The following H2AZ2 variants were observed in gnomAD, a reference collection of about 807,000 sequenced individuals.
H2AZ2 encodes the protein H2A.Z variant histone 2, also known as histone H2A.V.
Under a neutral mutation model 15.5 loss-of-function variants are expected in H2AZ2, and 5 were observed. The observed-to-expected ratio is 0.32, with a 90% CI of 0.17 to 0.68. The LOEUF is 0.68. Among genes scored for constraint, H2AZ2 ranks in the 30% least tolerant of loss-of-function variants. H2AZ2 has a pLI of 0.72. For missense variants in H2AZ2, 42 were observed against 162.5 expected, an observed-to-expected ratio of 0.26 and a Z score of 4.03; for synonymous variants, 44 against 57.4, an observed-to-expected ratio of 0.77 and a Z score of 1.05.
intron 3 of H2AZ2, among the ~76,000 whole-genome samples, chr7:44,837,433 G>GAAAAAAAAAAAAAAAAAA (rs71011996): frequency 3.4e-5 from 3 of 87,270 alleles, no homozygotes; most frequent in African/African-American, 8.6e-5. Context: ...AAAAAAAAAA[G>GAAAAAAAAAAAAAAAAAA]AAAAAAAAAA....
At chr7:44,837,951 A>G (rs2117031980) in intron 3 of H2AZ2, among the ~76,000 whole-genome samples, 1 of 151,680 alleles carries the variant, frequency 6.6e-6, no homozygotes, top group East Asian at 1.9e-4. Context: ...TTTCTGCAGA[A>G]CCTTTAATAG....
chr7:44,838,297 T>C (rs370665841), intron 3 of H2AZ2, among the ~76,000 whole-genome samples: 2 of 151,956 alleles, frequency 1.3e-5, no homozygotes, highest in South Asian at 2.1e-4. Context: ...TTAATGCTTA[T>C]AGAAAAGTTT....
chr7:44,831,344 G>C (rs57161898), downstream of H2AZ2, among the ~76,000 whole-genome samples: 940 of 152,198 alleles, frequency 6.2e-3, 8 homozygotes, highest in African/African-American at 0.021. Context: ...TGACCTAGTT[G>C]TTCTATTTCT....
chr7:44,827,656 A>G (rs1358565597), downstream of H2AZ2: 1 of 152,214 alleles, frequency 6.6e-6, no homozygotes, highest in Non-Finnish European at 1.5e-5. Flanking sequence ...CAGAGATGAT[A>G]TTCACAAATT....
intron 1 of H2AZ2, among the ~76,000 whole-genome samples, chr7:44,846,392 C>T (rs1258205305): frequency 6.6e-6 from 1 of 151,878 alleles, no homozygotes; most frequent in Non-Finnish European, 1.5e-5. Context: ...CCGAGGGGGG[C>T]GGATCACAAG....
At chr7:44,840,858 C>T in intron 3 of H2AZ2, 41 bp downstream of exon 3, 3 of 1,351,744 alleles carry the variant, frequency 2.2e-6, no homozygotes, top group Non-Finnish European at 3.2e-6. Flanking sequence ...GACTAGTGCA[C>T]CTTCTGGATG....
At chr7:44,840,013 A>G (rs1418345571) in intron 3 of H2AZ2, among the ~76,000 whole-genome samples, 1 of 148,350 alleles carries the variant, frequency 6.7e-6, no homozygotes, top group African/African-American at 2.5e-5. Context: ...AAATAAATAA[A>G]TAAATAAATA....
chr7:44,828,498 T>C (rs1792955695), downstream of H2AZ2: 1 of 152,210 alleles, frequency 6.6e-6, no homozygotes, highest in Non-Finnish European at 1.5e-5. Flanking sequence ...GTAGGTACTA[T>C]CATCACCACT....
chr7:44,848,055 G>A lies in H2AZ2; in HGVS notation c.-84C>T, dbSNP rs969090533. 1.9e-5 allele frequency: 16 copies of A among 858,854 alleles called. No homozygotes were observed. Among genetic ancestry groups the A allele is most frequent in the Middle Eastern group, 3.6e-4 (1 of 2,776 alleles). 53.2% of individuals were successfully genotyped at this position (858,854 alleles called of 1,614,324 possible). A position where few individuals can be genotyped will look rare whatever the true frequency, so the allele number is the denominator to read the frequency against. On this transcript the variant is annotated 5_prime_UTR_variant, in exon 1 of 5. Coordinates refer to ENST00000308153, the MANE Select transcript of H2AZ2 (RefSeq NM_012412.5). ...CCGCCGCCGCCGCTCTCGCAGCACC[G>A]ACCGCCGCCGCCGGAGCCGGACAAT... is the stretch of plus-strand genomic sequence containing the variant.
In H2AZ2 at chr7:44,835,515, G is replaced by C; in HGVS notation, c.325+14C>G. On this transcript the variant is annotated intron_variant, in intron 4 of 4. Coordinates refer to ENST00000308153, the MANE Select transcript of H2AZ2 (RefSeq NM_012412.5). Reference sequence around the variant, plus strand: ...AAGACCAATAAGAATCAAGGCTTAAGTAGTAATACATACCACCCCCAGCTA... The same window carrying C: ...AAGACCAATAAGAATCAAGGCTTAACTAGTAATACATACCACCCCCAGCTA... The C allele has an allele frequency of 6.2e-7, 1 of 1,611,664 alleles. No homozygotes were observed. The highest frequency in any genetic ancestry group is 8.5e-7 in the Non-Finnish European group (1 of 1,178,482).
At chr7:44,831,528 A>G (rs1583708719), downstream of H2AZ2, among the ~76,000 whole-genome samples, 1 of 148,240 alleles carries the variant, frequency 6.7e-6, no homozygotes, top group Non-Finnish European at 1.5e-5. Flanking sequence ...ATTATATTGC[A>G]CTCCCCCCCC....
At chr7:44,843,107 C>A (rs2117041855) in intron 2 of H2AZ2, among the ~76,000 whole-genome samples, 170 bp downstream of exon 2, 1 of 122,544 alleles carries the variant, frequency 8.2e-6, no homozygotes, top group East Asian at 2.5e-4. Context: ...CCACTGCACT[C>A]CAGCCTGACG....
intron 1 of H2AZ2, among the ~76,000 whole-genome samples, chr7:44,844,095 G>C (rs1395339551): frequency 1.3e-5 from 2 of 149,166 alleles, no homozygotes; most frequent in African/African-American, 4.9e-5. Flanking sequence ...ATATAGTCTA[G>C]CAATTCCACT....
intron 3 of H2AZ2, among the ~76,000 whole-genome samples, chr7:44,838,894 T>A (rs1310784514): frequency 6.6e-6 from 1 of 152,178 alleles, no homozygotes; most frequent in Non-Finnish European, 1.5e-5. Flanking sequence ...TCCACCAGAA[T>A]GAATGCGTCT....
At chr7:44,839,912 A>C (rs890905230) in intron 3 of H2AZ2, among the ~76,000 whole-genome samples, 1 of 151,524 alleles carries the variant, frequency 6.6e-6, no homozygotes, top group African/African-American at 2.4e-5. Flanking sequence ...CTGAGGCAGG[A>C]GAATTGCTTG....
chr7:44,842,043 A>C (rs1793287224), intron 2 of H2AZ2, among the ~76,000 whole-genome samples: 1 of 152,344 alleles, frequency 6.6e-6, no homozygotes, highest in African/African-American at 2.4e-5. Context: ...CTTCCTTAAT[A>C]AAAACAAGCA....
chr7:44,843,517 T>C (rs1194538738), intron 1 of H2AZ2, among the ~76,000 whole-genome samples, 163 bp from the exon 2 acceptor site: 1 of 152,246 alleles, frequency 6.6e-6, no homozygotes, highest in African/African-American at 2.4e-5. Flanking sequence ...TCACCTTTTA[T>C]AATTTCTATC....
chr7:44,841,037 A>G, intron 2 of H2AZ2, 25 bp from the exon 3 acceptor site: 1 of 1,532,806 alleles, frequency 6.5e-7, no homozygotes, highest in Non-Finnish European at 9.0e-7. Flanking sequence ...TCTTAGTGGG[A>G]AGCACTGCAG....
At chr7:44,834,616 TA>T (rs1408633093) in intron 4 of H2AZ2, 54 bp from the exon 5 acceptor site, 1 of 1,459,894 alleles carries the variant, frequency 6.8e-7, no homozygotes, top group East Asian at 2.3e-5. Flanking sequence ...TTGCCTCAAG[TA>T]AAAAGTTAAT....
Sources: gnomAD v4.1 joint callset for allele counts (sites outside exome capture counted in the v4.1 genomes callset) on GRCh38, gnomAD v4.1.1 for gene constraint, MANE v1.5 for transcripts, NCBI Gene and HGNC (gene_info 2026-07-23, HGNC 2026-07-21) for gene names.